FXYD4: variants seen among roughly 807,000 people sequenced by gnomAD.
FXYD4 encodes the protein FXYD domain containing ion transport regulator 4.
FXYD4 carries 14 observed loss-of-function variants against 18.3 expected under a neutral mutation model. That is an observed-to-expected ratio of 0.77 (90% CI 0.51 to 1.20). FXYD4 has a LOEUF of 1.20. Among genes scored for constraint, FXYD4 ranks in the 50% most tolerant of loss-of-function variants. The probability of loss-of-function intolerance (pLI) is 0.00; values close to 1 mark genes in which losing one functional copy is unlikely to be tolerated. For missense variants in FXYD4, 99 were observed against 106.1 expected, an observed-to-expected ratio of 0.93 and a Z score of 0.29; for synonymous variants, 40 against 40.5, an observed-to-expected ratio of 0.99 and a Z score of 0.04.
Position 43,376,032 on chromosome 10 carries a change from T to A in FXYD4, c.213T>A (p.Ser71Arg), listed in dbSNP as rs531604362. 6.2e-7 allele frequency: 1 copy of A among 1,614,052 alleles called. No homozygotes were observed. The highest frequency in any genetic ancestry group is 1.1e-5 in the South Asian group (1 of 91,084). ...TACTCTGATGTGGTCCTTTCTCTAG[T>A]CCTGTACCTGAGAAGGCCATCCCAC... ...CKCKSSQKQH[S>R]PVPEKAIPLI... The change falls in exon 8 of 9, where the codon AGT becomes AGA. Residue 71 changes from serine (S) to arginine (R), a missense_variant and splice_region_variant. Transcript: ENST00000476166.
Sources: allele counts gnomAD v4.1 joint callset, GRCh38; gene constraint gnomAD v4.1.1; transcripts MANE v1.5; gene names NCBI Gene and HGNC (gene_info 2026-07-23, HGNC 2026-07-21).